The following IAPP variants were observed in gnomAD, a reference collection of about 807,000 sequenced individuals.
The protein encoded by IAPP is Islet amyloid polypeptide (diabetes-associated peptide; amylin).
In IAPP, 4 loss-of-function variants were observed where a neutral mutation model predicts 2.9. The observed-to-expected ratio is 1.39, with a 90% CI of 0.69 to 3.19. The LOEUF (loss-of-function observed/expected upper bound fraction) is 3.19. IAPP is among the 30% of genes most tolerant of loss of function. The pLI is 0.01. For synonymous variants in IAPP, 40 were observed against 42.1 expected (o/e 0.95, Z 0.19); for missense variants, 114 against 105.3 (o/e 1.08, Z -0.36).
At chr12:21,376,327 T>A in intron 2 of IAPP, 1 of 362,666 alleles carries the variant, frequency 2.8e-6, no homozygotes, top group Non-Finnish European at 5.6e-6. Context: ...TTTGAGATGT[T>A]TGGACCAAAT....
intron 1 of IAPP, among the ~76,000 whole-genome samples, chr12:21,356,131 C>T (rs984263305): frequency 6.6e-6 from 1 of 151,934 alleles, no homozygotes; most frequent in Non-Finnish European, 1.5e-5. Flanking sequence ...AAGTAACTAG[C>T]GCTGTGACTT....
chr12:21,358,519 AT>A (rs1365906044), intron 1 of IAPP, among the ~76,000 whole-genome samples: 12 of 152,200 alleles, frequency 7.9e-5, no homozygotes, highest in African/African-American at 2.9e-4. Flanking sequence ...CACAAAAAGT[AT>A]TATAATATTT....
At chr12:21,373,603 C>T (rs760609818) in intron 2 of IAPP, 172 bp downstream of exon 2, 9 of 702,156 alleles carry the variant, frequency 1.3e-5, no homozygotes, top group South Asian at 1.5e-5. Flanking sequence ...AAGAATAACA[C>T]CAGTGGCAAA....
At chr12:21,378,160 A>G in intron 2 of IAPP, 77 bp from the exon 3 acceptor site, 1 of 1,305,826 alleles carries the variant, frequency 7.7e-7, no homozygotes, top group Non-Finnish European at 1.1e-6. Context: ...CATCAATACA[A>G]GATATTTGAT....
At chr12:21,367,128 A>G (rs1939447180) in intron 1 of IAPP, among the ~76,000 whole-genome samples, 1 of 152,122 alleles carries the variant, frequency 6.6e-6, no homozygotes, top group Non-Finnish European at 1.5e-5. Flanking sequence ...ATGAAATATA[A>G]AAAATCAAAA....
At chr12:21,355,309 G>A (rs1938278958) in intron 1 of IAPP, among the ~76,000 whole-genome samples, 1 of 152,052 alleles carries the variant, frequency 6.6e-6, no homozygotes, top group South Asian at 2.1e-4. Flanking sequence ...TTATCCTGAA[G>A]AGTCCTCCCA....
intron 1 of IAPP, among the ~76,000 whole-genome samples, chr12:21,367,355 G>A (rs1939466561): frequency 6.6e-6 from 1 of 152,118 alleles, no homozygotes; most frequent in African/African-American, 2.4e-5. Flanking sequence ...GAAGAATGAT[G>A]GGAGTATTTC....
In IAPP at chr12:21,361,035, T is replaced by C. The variant is rs576095956; in HGVS notation, c.-16+6022T>C. Among the ~76,000 whole-genome samples, 7 of 151,996 alleles carry C rather than the reference T, an allele frequency of 4.6e-5. No homozygotes were observed. The East Asian group carries it at 7.8e-4, about 17-fold the overall frequency. On this transcript the variant is annotated intron_variant, in intron 1 of 2. Transcript: ENST00000539393. The stretch of plus-strand genomic sequence containing the variant: ...CCCTGTCTGACAGCTTTGAAGAGAG[T>C]TGTGGTTCTCCCAGCACGGAGTTTG...
intron 2 of IAPP, among the ~76,000 whole-genome samples, chr12:21,376,718 A>G (rs1243640859): frequency 6.6e-6 from 1 of 152,076 alleles, no homozygotes; most frequent in Non-Finnish European, 1.5e-5. Flanking sequence ...GGCTATCTCT[A>G]CTTAGAGATA....
chr12:21,363,341 A>G (rs1262067402), intron 1 of IAPP, among the ~76,000 whole-genome samples: 2 of 152,208 alleles, frequency 1.3e-5, no homozygotes, highest in African/African-American at 4.8e-5. Flanking sequence ...TGTTCTTTGA[A>G]ACGAATGAGA....
At chr12:21,369,645 T>C (rs974621344), upstream of IAPP, among the ~76,000 whole-genome samples, 3 of 152,200 alleles carry the variant, frequency 2.0e-5, no homozygotes, top group African/African-American at 7.2e-5. Flanking sequence ...CCAACTGTAG[T>C]GTGTATGCAA....
Position 21,373,350 on chromosome 12 carries a change from C to A in IAPP, c.-2C>A, listed in dbSNP as rs1190095246. 2 of 1,607,874 alleles carry A rather than the reference C, an allele frequency of 1.2e-6. No homozygotes were observed. The highest frequency in any genetic ancestry group is 1.1e-5 in the South Asian group (1 of 90,954). Reference sequence around the variant, plus strand: ...TATTCTTTGCAGAAAATTTGAGAAGCAATGGGCATCCTGAAGCTGCAAGTA... The same window carrying A: ...TATTCTTTGCAGAAAATTTGAGAAGAAATGGGCATCCTGAAGCTGCAAGTA... On this transcript the variant is annotated 5_prime_UTR_variant, in exon 2 of 3. Coordinates refer to ENST00000240652, the MANE Select transcript of IAPP (RefSeq NM_000415.3).
At chr12:21,361,410 T>C (rs1938868102) in intron 1 of IAPP, among the ~76,000 whole-genome samples, 1 of 152,144 alleles carries the variant, frequency 6.6e-6, no homozygotes, top group Non-Finnish European at 1.5e-5. Context: ...AGACGAAATG[T>C]AGATAAAACC....
chr12:21,367,693 T>C (rs1939494090), intron 1 of IAPP, among the ~76,000 whole-genome samples: 1 of 152,084 alleles, frequency 6.6e-6, no homozygotes, highest in South Asian at 2.1e-4. Flanking sequence ...TTTAGGTTGT[T>C]ATAAAATCAC....
intron 1 of IAPP, among the ~76,000 whole-genome samples, chr12:21,358,578 T>C (rs1220356932): frequency 6.6e-6 from 1 of 152,174 alleles, no homozygotes; most frequent in Non-Finnish European, 1.5e-5. Context: ...TCTATCATCA[T>C]ATATAGATAA....
At chr12:21,368,943 G>T (rs1446803658), upstream of IAPP, among the ~76,000 whole-genome samples, 1 of 152,032 alleles carries the variant, frequency 6.6e-6, no homozygotes. Context: ...AGAGTGTCCA[G>T]AGAAGTAAAT....
chr12:21,378,250 A>G lies in IAPP; in HGVS notation c.94A>G (p.Lys32Glu). ...ATPIESHQVE[K>E]RKCNTATCAT... ...CCATGTTACCAGTCATCAGGTGGAA[A>G]AGCGGAAATGCAACACTGCCACATG... Residue 32 changes from lysine (K) to glutamate (E), a missense_variant, in exon 3 of 3, where the codon AAG becomes GAG. Physicochemically the swap from Lys to Glu is moderately conservative, Grantham distance 56 (BLOSUM62 1). Transcript: ENST00000240652. The G allele has an allele frequency of 6.2e-7, 1 of 1,614,210 alleles. No individual in the cohort carries two copies. The highest frequency in any genetic ancestry group is 8.5e-7 in the Non-Finnish European group (1 of 1,180,020).
intron 1 of IAPP, among the ~76,000 whole-genome samples, chr12:21,364,526 T>G (rs4356287): frequency 0.32 from 49,266 of 151,990 alleles, 8,290 homozygotes; most frequent in East Asian, 0.46. Flanking sequence ...CTATTCAACA[T>G]AGTGTTGGAA....
At chr12:21,369,458 C>T (rs1939627346), upstream of IAPP, among the ~76,000 whole-genome samples, 1 of 152,216 alleles carries the variant, frequency 6.6e-6, no homozygotes, top group Non-Finnish European at 1.5e-5. Context: ...TTGTCTTTCA[C>T]TCTGCACTTA....
Sources: gnomAD v4.1 joint callset for allele counts (sites outside exome capture counted in the v4.1 genomes callset) on GRCh38, gnomAD v4.1.1 for gene constraint, MANE v1.5 for transcripts, NCBI Gene and HGNC (gene_info 2026-07-23, HGNC 2026-07-21) for gene names.